The following KIF16B variants were observed in gnomAD, a reference collection of about 807,000 sequenced individuals.
KIF16B encodes kinesin family member 16B, also known as kinesin-like protein KIF16B.
KIF16B carries 98 observed loss-of-function variants against 156.3 expected under a neutral mutation model. The observed-to-expected ratio is 0.63, with a 90% CI of 0.53 to 0.74. The LOEUF (loss-of-function observed/expected upper bound fraction) is 0.74, where lower values mean the gene tolerates loss of function less well. Ranked by LOEUF, KIF16B falls within the 30% of genes least tolerant of loss-of-function variation. KIF16B has a pLI of 0.00. For missense variants in KIF16B, 1,421 were observed against 1,606.5 expected (o/e 0.88, Z 1.97); for synonymous variants, 564 against 583.7 (o/e 0.97, Z 0.49).
At chr20:16,364,238 T>C (rs1210565944) in intron 22 of KIF16B, among the ~76,000 whole-genome samples, 1 of 152,206 alleles carries the variant, frequency 6.6e-6, no homozygotes, top group Non-Finnish European at 1.5e-5. Flanking sequence ...CAACCACAAG[T>C]CTGTAAAACA....
intron 12 of KIF16B, among the ~76,000 whole-genome samples, chr20:16,459,851 C>T (rs2067300390): frequency 6.6e-6 from 1 of 152,122 alleles, no homozygotes; most frequent in South Asian, 2.1e-4. Context: ...CCAGCCTTTC[C>T]TTTACTTCTG....
intron 24 of KIF16B, among the ~76,000 whole-genome samples, chr20:16,323,965 C>T (rs751338079): frequency 2.9e-4 from 44 of 151,926 alleles, no homozygotes; most frequent in Non-Finnish European, 5.7e-4. Flanking sequence ...CCCCAAAGCC[C>T]GGTGTCAGTT....
chr20:16,418,512 C>G (rs966525714), intron 15 of KIF16B, among the ~76,000 whole-genome samples: 2 of 152,146 alleles, frequency 1.3e-5, no homozygotes, highest in Non-Finnish European at 2.9e-5. Context: ...TCACTGCTGA[C>G]TTCAACCAAC....
chr20:16,409,967 A>ATATGTAGG lies in KIF16B; in HGVS notation c.1613-3512_1613-3511insCCTACATA, dbSNP rs1555877397. Among the ~76,000 whole-genome samples, 12 of 30,120 alleles carry ATATGTAGG rather than the reference A, an allele frequency of 4.0e-4. 1 individual carries two copies. In the East Asian group the frequency reaches 9.4e-3, roughly 24 times the overall value. The allele number at this position is 30,120 out of a possible 152,430, so 19.8% of individuals were successfully genotyped here. ...TACCTACATATATATATATATATATATACATATATATATATATATATATAT... is the reference window on the plus strand; with the variant it reads ...TACCTACATATATATATATATATATATATGTAGGTACATATATATATATATATATATAT... On this transcript the variant is annotated intron_variant, in intron 15 of 25. Transcript: ENST00000354981.
chr20:16,343,237 G>A (rs1370364052), intron 23 of KIF16B, among the ~76,000 whole-genome samples: 1 of 152,202 alleles, frequency 6.6e-6, no homozygotes, highest in Non-Finnish European at 1.5e-5. Context: ...CCATAAACAT[G>A]TCCTCAAGAT....
At chr20:16,339,204 C>T (rs377479252) in intron 23 of KIF16B, among the ~76,000 whole-genome samples, 1 of 152,130 alleles carries the variant, frequency 6.6e-6, no homozygotes, top group Non-Finnish European at 1.5e-5. Flanking sequence ...TTAGCAATGG[C>T]TTCTGTATTG....
chr20:16,344,314 A>T (rs1428927755), intron 23 of KIF16B, among the ~76,000 whole-genome samples: 1 of 152,196 alleles, frequency 6.6e-6, no homozygotes, highest in African/African-American at 2.4e-5. Context: ...CAGAGAGATC[A>T]CAGGCTGCCA....
intron 24 of KIF16B, among the ~76,000 whole-genome samples, chr20:16,326,298 G>T (rs983055649): frequency 2.0e-5 from 3 of 150,966 alleles, no homozygotes; most frequent in African/African-American, 7.3e-5. Context: ...AAGATAAATA[G>T]ATGGGACTTA....
intron 1 of KIF16B, among the ~76,000 whole-genome samples, chr20:16,570,451 G>A (rs915397786): frequency 1.1e-4 from 16 of 152,114 alleles, no homozygotes; most frequent in African/African-American, 2.2e-4. Flanking sequence ...ATGCAGAGGC[G>A]TCTGTTTCAT....
At chr20:16,312,454 C>T in intron 24 of KIF16B, 36 bp from the exon 25 acceptor site, 3 of 1,362,640 alleles carry the variant, frequency 2.2e-6, no homozygotes, top group Non-Finnish European at 3.1e-6. Context: ...GCATTAATAG[C>T]ATACCTGTTA....
intron 22 of KIF16B, among the ~76,000 whole-genome samples, chr20:16,365,682 C>G (rs1208688128): frequency 2.0e-5 from 3 of 152,174 alleles, no homozygotes; most frequent in Non-Finnish European, 2.9e-5. Context: ...CAGTTCCTGG[C>G]CAAAGGAAGA....
Position 16,446,985 on chromosome 20 carries a change from C to G in KIF16B, c.1303-17003G>C, listed in dbSNP as rs76495191. On this transcript the variant is annotated intron_variant, in intron 12 of 25. Transcript: ENST00000354981. ...TTTCAGAACAAGGACCCTGTCTTTT[C>G]TAACTTTTTCTTCCCAGTGCTGAGC... 3.3e-5 allele frequency among the ~76,000 whole-genome samples: 5 copies of G among 152,284 alleles called. No individual in the cohort carries two copies. In the East Asian group the frequency reaches 9.6e-4, roughly 29 times the overall value.
At chr20:16,371,807 C>A in intron 20 of KIF16B, 46 bp from the exon 21 acceptor site, 1 of 1,311,990 alleles carries the variant, frequency 7.6e-7, no homozygotes, top group Non-Finnish European at 1.1e-6. Context: ...TCTAACCACA[C>A]AGGACATTCT....
chr20:16,490,589 T>A (rs2068259369), intron 12 of KIF16B, among the ~76,000 whole-genome samples: 1 of 151,760 alleles, frequency 6.6e-6, no homozygotes, highest in Non-Finnish European at 1.5e-5. Flanking sequence ...GAACCTAGGA[T>A]ACACACAGGG....
At chr20:16,319,348 C>A (rs530874394) in intron 24 of KIF16B, among the ~76,000 whole-genome samples, 5 of 152,152 alleles carry the variant, frequency 3.3e-5, no homozygotes, top group Non-Finnish European at 5.9e-5. Flanking sequence ...TCTGTACTAT[C>A]TTCAGATTTT....
intron 4 of KIF16B, among the ~76,000 whole-genome samples, chr20:16,514,054 C>CT (rs1047045442): frequency 3.9e-5 from 6 of 152,144 alleles, no homozygotes; most frequent in Non-Finnish European, 7.3e-5. Flanking sequence ...TTGGTTCTTA[C>CT]TTTAAAATGA....
At chr20:16,534,901 AG>A (rs1177547781) in intron 1 of KIF16B, among the ~76,000 whole-genome samples, 1 of 152,070 alleles carries the variant, frequency 6.6e-6, no homozygotes, top group Non-Finnish European at 1.5e-5. Flanking sequence ...TGGTTACTAC[AG>A]ACTTTTAATG....
intron 17 of KIF16B, among the ~76,000 whole-genome samples, chr20:16,400,946 T>G (rs1446362972): frequency 4.6e-5 from 7 of 152,214 alleles, no homozygotes. Flanking sequence ...ACTACTGAAC[T>G]GTACACTTAA....
chr20:16,396,309 T>C (rs2065499692), intron 17 of KIF16B, among the ~76,000 whole-genome samples: 1 of 152,026 alleles, frequency 6.6e-6, no homozygotes, highest in Non-Finnish European at 1.5e-5. Flanking sequence ...TCCCTGTCTC[T>C]GAAAAAACTG....
Sources: allele counts gnomAD v4.1 joint callset (sites outside exome capture counted in the v4.1 genomes callset), GRCh38; gene constraint gnomAD v4.1.1; transcripts MANE v1.5; gene names NCBI Gene and HGNC (gene_info 2026-07-23, HGNC 2026-07-21).